The following DDX50 variants were observed in gnomAD, a reference collection of about 807,000 sequenced individuals.
DDX50 encodes DExD-box helicase 50.
Under a neutral mutation model 94.8 loss-of-function variants are expected in DDX50, and 56 were observed. The ratio of observed to expected loss-of-function variants is 0.59; its 90% CI spans 0.48 to 0.74. The LOEUF (loss-of-function observed/expected upper bound fraction) is 0.74, where lower values mean the gene tolerates loss of function less well. Among genes scored for constraint, DDX50 ranks in the 30% least tolerant of loss-of-function variants. The pLI is 0.00. For synonymous variants in DDX50, 264 were observed against 295.4 expected, an observed-to-expected ratio of 0.89 and a Z score of 1.09; for missense variants, 713 against 881.2, an observed-to-expected ratio of 0.81 and a Z score of 2.42.
chr10:68,925,815 A>G (rs1367034748), intron 8 of DDX50, among the ~76,000 whole-genome samples: 1 of 151,820 alleles, frequency 6.6e-6, no homozygotes, highest in Non-Finnish European at 1.5e-5. Flanking sequence ...GAAGTTCGAG[A>G]CCACCCTGTG....
In DDX50 at chr10:68,934,183, C is replaced by A; in HGVS notation, c.1240-16C>A. 6.2e-7 allele frequency: 1 copy of A among 1,606,778 alleles called. No individual in the cohort carries two copies. The highest frequency in any genetic ancestry group is 8.5e-7 in the Non-Finnish European group (1 of 1,177,330). ...TATGAGCTGTACACTTAATTTTCTCCCCCTTTCTCAAATAGAATGCCCAGT... is the reference window on the plus strand; with the variant it reads ...TATGAGCTGTACACTTAATTTTCTCACCCTTTCTCAAATAGAATGCCCAGT... On this transcript the variant is annotated splice_polypyrimidine_tract_variant and intron_variant, in intron 8 of 14. Transcript: ENST00000373585. The surrounding 1 kb of genome is among the most constrained non-coding windows in gnomAD (Gnocchi z 4.0).
intron 7 of DDX50, among the ~76,000 whole-genome samples, chr10:68,915,403 ACT>A (rs1232957420): frequency 1.4e-5 from 2 of 140,186 alleles, no homozygotes; most frequent in East Asian, 2.1e-4. Flanking sequence ...ACAGAGCGAG[ACT>A]CTGTCTCAAA....
intron 4 of DDX50, 79 bp from the exon 5 acceptor site, chr10:68,913,083 C>T (rs1841679594): frequency 8.6e-7 from 1 of 1,157,714 alleles, no homozygotes; most frequent in Non-Finnish European, 1.2e-6. Context: ...TTTAAATGCA[C>T]CTAAAAAAAG....
At chr10:68,928,395 G>A (rs1842146242) in intron 8 of DDX50, among the ~76,000 whole-genome samples, 1 of 152,066 alleles carries the variant, frequency 6.6e-6, no homozygotes, top group Non-Finnish European at 1.5e-5. Flanking sequence ...GGTGGGCCAG[G>A]CACGATGGCT....
chr10:68,934,215 A>C lies in DDX50; in HGVS notation c.1256A>C (p.His419Pro). 1.2e-6 allele frequency: 2 copies of C among 1,611,764 alleles called. No homozygotes were observed. Among genetic ancestry groups the C allele is most frequent in the Non-Finnish European group, 1.7e-6 (2 of 1,179,724 alleles). The change falls in exon 9 of 15, where the codon CAT becomes CCT. Residue 419 changes from histidine (H) to proline (P), a missense_variant. His to Pro is a moderately conservative substitution (Grantham distance 77). Coordinates refer to ENST00000373585, the MANE Select transcript of DDX50 (RefSeq NM_024045.2). This position sits in a 1 kb window ranked among gnomAD's most constrained non-coding sequence, Gnocchi z 4.0. ...PHIKQNAQCL[H>P]GDIAQSQREI... ...CTCAAATAGAATGCCCAGTGTTTAC[A>C]TGGGGACATTGCACAGTCACAAAGA...
chr10:68,934,059 T>C lies in DDX50; in HGVS notation c.1240-140T>C. ...TATTTTCTGTCATGTTTGACTTTTTTTTTTTACAGTAAGCATGCATTGTTA... is the reference window on the plus strand; with the variant it reads ...TATTTTCTGTCATGTTTGACTTTTTCTTTTTACAGTAAGCATGCATTGTTA... On this transcript the variant is annotated intron_variant, in intron 8 of 14. Transcript: ENST00000373585. The surrounding 1 kb of genome is among the most constrained non-coding windows in gnomAD (Gnocchi z 4.0). 1 of 754,734 alleles carries C rather than the reference T, an allele frequency of 1.3e-6. No homozygotes were observed. The highest frequency in any genetic ancestry group is 1.8e-5 in the African/African-American group (1 of 54,760). The allele number at this position is 754,734 out of a possible 1,614,324, so 46.8% of individuals were successfully genotyped here. A position where few individuals can be genotyped will look rare whatever the true frequency, so the allele number is the denominator to read the frequency against.
At position 68,936,805 on chromosome 10, in the gene DDX50, C is replaced by T. The variant is rs571908667; in HGVS notation, c.1596-131C>T. ...GCAGTGAGCCAAGATCGTGCCAGTG[C>T]GCTCCAGACTGGGTGACAGAGCAAG... On this transcript the variant is annotated intron_variant, in intron 11 of 14. Coordinates refer to ENST00000373585, the MANE Select transcript of DDX50 (RefSeq NM_024045.2). 102 of 841,302 alleles carry T rather than the reference C, an allele frequency of 1.2e-4. 2 individuals carry two copies. The highest frequency in any genetic ancestry group is 1.1e-3 in the South Asian group (52 of 46,952). The allele number at this position is 841,302 out of a possible 1,614,324, so 52.1% of individuals were successfully genotyped here.
At chr10:68,910,111 C>A (rs1589250590) in intron 2 of DDX50, among the ~76,000 whole-genome samples, 196 bp from the exon 3 acceptor site, 1 of 151,922 alleles carries the variant, frequency 6.6e-6, no homozygotes, top group South Asian at 2.1e-4. Context: ...GGATTTGAGC[C>A]CGGAGGTTGA....
chr10:68,907,970 G>T (rs1841506209), intron 2 of DDX50, among the ~76,000 whole-genome samples: 1 of 152,164 alleles, frequency 6.6e-6, no homozygotes, highest in South Asian at 2.1e-4. Context: ...ATGATGAAGA[G>T]GTGTGCAGAG....
rs765861463 is a variant in DDX50, at chr10:68,911,174, C to G, written c.567C>G (p.Phe189Leu). The G allele has an allele frequency of 1.2e-5, 19 of 1,612,506 alleles. No individual in the cohort carries two copies. Among genetic ancestry groups the G allele is most frequent in the Admixed American group, 3.3e-5 (2 of 59,856 alleles). ...CACGGACAGGAACAGGAAAGACATT[C>G]TCTTTTGCCATCCCCTTAATTGAAA... is the stretch of plus-strand genomic sequence containing the variant. ...AQARTGTGKT[F>L]SFAIPLIERL... Residue 189 changes from phenylalanine (F) to leucine (L), a missense_variant, in exon 4 of 15, where the codon TTC (phenylalanine) becomes TTG (leucine). Transcript: ENST00000373585.
chr10:68,901,902 G>A (rs547858847), intron 1 of DDX50, among the ~76,000 whole-genome samples: 1 of 152,312 alleles, frequency 6.6e-6, no homozygotes, highest in East Asian at 1.9e-4. Context: ...CCTGGGGAAA[G>A]CGATCTTAGG....
chr10:68,917,331 G>A (rs1206092010), intron 7 of DDX50, among the ~76,000 whole-genome samples: 5 of 151,850 alleles, frequency 3.3e-5, no homozygotes, highest in African/African-American at 7.3e-5. Context: ...ATGGTGGCAC[G>A]TGCCTGTAGT....
chr10:68,906,813 T>C lies in DDX50; in HGVS notation c.190T>C (p.Ser64Pro). The C allele has an allele frequency of 6.2e-7, 1 of 1,613,568 alleles. No individual in the cohort carries two copies. Among genetic ancestry groups the C allele is most frequent in the South Asian group, 1.1e-5 (1 of 90,922 alleles). Residue 64 changes from serine (S) to proline (P), a missense_variant, in exon 2 of 15, where the codon TCT becomes CCT. Transcript: ENST00000373585. ...DDLDAPKAKK[S>P]KMKEKLNGDT... The stretch of plus-strand genomic sequence containing the variant: ...CCTGGATGCTCCCAAGGCCAAAAAA[T>C]CTAAAATGAAAGAGAAGCTAAATGG...
At chr10:68,903,686 A>G (rs981925047) in intron 1 of DDX50, among the ~76,000 whole-genome samples, 2 of 152,098 alleles carry the variant, frequency 1.3e-5, no homozygotes, top group Admixed American at 1.3e-4. Context: ...CTGTAATCCC[A>G]GCTACTCAGG....
intron 1 of DDX50, 139 bp from the exon 2 acceptor site, chr10:68,906,572 A>C (rs1305386083): frequency 2.4e-6 from 2 of 824,480 alleles, no homozygotes; most frequent in Non-Finnish European, 3.9e-6. Flanking sequence ...ATTAGTAAGC[A>C]GTCTGGATTT....
chr10:68,908,593 A>C (rs1407528098), intron 2 of DDX50, among the ~76,000 whole-genome samples: 2 of 147,856 alleles, frequency 1.4e-5, no homozygotes, highest in Admixed American at 6.7e-5. Flanking sequence ...ATTATAAATA[A>C]TTTTTAAATT....
In DDX50 at chr10:68,934,834, A is replaced by T. The variant is rs1219540678; in HGVS notation, c.1437A>T (p.Thr479=). The change falls in exon 10 of 15, where the codon ACA becomes ACT. Residue 479 remains threonine, a synonymous_variant. Transcript: ENST00000373585. This position sits in a 1 kb window ranked among gnomAD's most constrained non-coding sequence, Gnocchi z 4.0. ...VESYIHRSGR[T]GRAGRTGICI... ...CCTATATCCATCGCTCTGGACGCAC[A>T]GGTAGAGCTGGACGGACAGGGATTT... 6.2e-7 allele frequency: 1 copy of T among 1,612,622 alleles called. No individual in the cohort carries two copies. Among genetic ancestry groups the T allele is most frequent in the East Asian group, 2.2e-5 (1 of 44,798 alleles).
At chr10:68,911,779 G>A (rs1841632075) in intron 4 of DDX50, 1 of 152,204 alleles carries the variant, frequency 6.6e-6, no homozygotes, top group Non-Finnish European at 1.5e-5. Context: ...GACTTTTTAA[G>A]AAGAGTATTA....
intron 1 of DDX50, 83 bp downstream of exon 1, chr10:68,901,554 T>A (rs1391529884): frequency 7.1e-7 from 1 of 1,402,162 alleles, no homozygotes; most frequent in East Asian, 2.6e-5. Context: ...GATGATGGCC[T>A]GTCAGAACCG....
Sources: gnomAD v4.1 joint callset for allele counts (sites outside exome capture counted in the v4.1 genomes callset) on GRCh38, gnomAD v4.1.1 for gene constraint, Gnocchi (gnomAD v3.1) non-coding constraint, MANE v1.5 for transcripts, NCBI Gene and HGNC (gene_info 2026-07-23, HGNC 2026-07-21) for gene names.